ARPP19: variants seen among roughly 807,000 people sequenced by gnomAD.
The protein encoded by ARPP19 is cAMP regulated phosphoprotein 19.
A neutral mutation model predicts 12.0 loss-of-function variants in ARPP19; 8 were observed. The observed-to-expected ratio is 0.67, with a 90% CI of 0.39 to 1.21. ARPP19 has a LOEUF of 1.21. Among genes scored for constraint, ARPP19 ranks in the 50% most tolerant of loss-of-function variants. ARPP19 has a pLI of 0.01. For synonymous variants in ARPP19, 47 were observed against 50.4 expected (o/e 0.93, Z 0.29); for missense variants, 102 against 136.3 (o/e 0.75, Z 1.25).
At chr15:52,557,024 G>C in intron 2 of ARPP19, 76 bp downstream of exon 2, 1 of 1,477,240 alleles carries the variant, frequency 6.8e-7, no homozygotes, top group Non-Finnish European at 9.4e-7. Context: ...TATACGCACA[G>C]ATATCCGTTT....
chr15:52,568,808 G>A lies in ARPP19; in HGVS notation c.45+40C>T, dbSNP rs757299374. The stretch of plus-strand genomic sequence containing the variant: ...GGGAGCAGGCCGCCCGCCAGACCCG[G>A]CCTTGGGCAGGGCCCAGGGCTCACG... On this transcript the variant is annotated intron_variant, in intron 1 of 2. Coordinates refer to ENST00000249822, the MANE Select transcript of ARPP19 (RefSeq NM_006628.6). 4.0e-6 allele frequency: 6 copies of A among 1,506,682 alleles called. No homozygotes were observed. The East Asian group carries it at 1.6e-4, about 41-fold the overall frequency. The allele number at this position is 1,506,682 out of a possible 1,614,324, so 93.3% of individuals were successfully genotyped here.
chr15:52,565,735 T>G (rs749579213), intron 1 of ARPP19, among the ~76,000 whole-genome samples: 33 of 152,382 alleles, frequency 2.2e-4, no homozygotes, highest in Admixed American at 1.8e-3. Flanking sequence ...AAAAACTCCC[T>G]CAACTTTTAA....
rs1476200854 is a variant in ARPP19, at chr15:52,551,994, G to A, written c.279C>T (p.Pro93=). 2 of 1,612,662 alleles carry A rather than the reference G, an allele frequency of 1.2e-6. No homozygotes were observed. Among genetic ancestry groups the A allele is most frequent in the Admixed American group, 1.7e-5 (1 of 60,028 alleles). The part of the protein sequence containing the change: ...DKTEVTGDHI[P]TPQDLPQRKP... ...TCCGTTGAGGAAGGTCTTGCGGAGTGGGAATGTGGTCACCAGTGACCTCCG... is the reference window on the plus strand; with the variant it reads ...TCCGTTGAGGAAGGTCTTGCGGAGTAGGAATGTGGTCACCAGTGACCTCCG... Residue 93 remains proline (P), a synonymous_variant, in exon 3 of 3, where the codon CCC becomes CCT. Transcript: ENST00000249822.
At chr15:52,563,321 G>A (rs2078052319) in intron 1 of ARPP19, among the ~76,000 whole-genome samples, 2 of 152,080 alleles carry the variant, frequency 1.3e-5, no homozygotes, top group East Asian at 1.9e-4. Flanking sequence ...AATAGGGTCC[G>A]CAGAAGGCAG....
At position 52,568,887 on chromosome 15, in the gene ARPP19, A is replaced by G. The variant is rs368069751; in HGVS notation, c.6T>C (p.Ser2=). Residue 2 remains serine (S), a synonymous_variant, in exon 1 of 3, where the codon TCT becomes TCC. Coordinates refer to ENST00000249822, the MANE Select transcript of ARPP19 (RefSeq NM_006628.6). M[S]AEVPEAASAE... is the part of the protein sequence containing the mutation. The stretch of plus-strand genomic sequence containing the variant: ...CGGAGGCTGCCTCGGGGACTTCCGC[A>G]GACATAGTGCTCCCTCTGCAGACGA... The G allele has an allele frequency of 1.4e-4, 215 of 1,570,700 alleles. No homozygotes were observed. Among genetic ancestry groups the G allele is most frequent in the Non-Finnish European group, 1.8e-4 (208 of 1,161,998 alleles).
At chr15:52,561,547 T>G (rs1246967802) in intron 1 of ARPP19, among the ~76,000 whole-genome samples, 1 of 152,182 alleles carries the variant, frequency 6.6e-6, no homozygotes, top group Non-Finnish European at 1.5e-5. Context: ...TTTATAATCT[T>G]AATTTTTACA....
upstream of ARPP19, among the ~76,000 whole-genome samples, chr15:52,569,421 C>A (rs1180048079): frequency 6.6e-6 from 1 of 152,256 alleles, no homozygotes; most frequent in Non-Finnish European, 1.5e-5. Context: ...GCCACGCCTT[C>A]ACATCTCCAG....
chr15:52,559,727 C>T (rs2078014723), intron 1 of ARPP19, among the ~76,000 whole-genome samples: 1 of 152,186 alleles, frequency 6.6e-6, no homozygotes, highest in Non-Finnish European at 1.5e-5. Context: ...TGAGTCACTG[C>T]ACAGCTTCGA....
In ARPP19 at chr15:52,550,724, A is replaced by C. The variant is rs74016837; in HGVS notation, c.*1210T>G. 1.3e-5 allele frequency: 2 copies of C among 152,732 alleles called. No homozygotes were observed. The highest frequency in any genetic ancestry group is 4.8e-5 in the African/African-American group (2 of 41,582). The allele number at this position is 152,732 out of a possible 1,614,324, so 9.5% of individuals were successfully genotyped here. ...AGACACCTATGCTTCCATATACAAC[A>C]AACAGCTCAATACCATTTGAGTCAA... On this transcript the variant is annotated 3_prime_UTR_variant, in exon 3 of 3. Transcript: ENST00000249822.
Position 52,558,228 on chromosome 15 carries a change from G to A in ARPP19, c.46-1006C>T, listed in dbSNP as rs561351355. On this transcript the variant is annotated intron_variant, in intron 1 of 2. Transcript: ENST00000249822. ...ACACTTTGGGAGCTGTGGGCGGATT[G>A]CTTGAAGCTAGTAGTTCGAGACCAG... is the stretch of plus-strand genomic sequence containing the variant. Among the ~76,000 whole-genome samples, 31 of 152,232 alleles carry A rather than the reference G, an allele frequency of 2.0e-4. No homozygotes were observed. In the South Asian group the frequency reaches 2.5e-3, roughly 12 times the overall value.
At chr15:52,555,320 G>A (rs1230886809) in intron 2 of ARPP19, among the ~76,000 whole-genome samples, 1 of 152,010 alleles carries the variant, frequency 6.6e-6, no homozygotes, top group East Asian at 1.9e-4. Context: ...AAGCCTATTA[G>A]CCAAGGTTAT....
chr15:52,555,153 T>C (rs2077970103), intron 2 of ARPP19, among the ~76,000 whole-genome samples: 1 of 152,088 alleles, frequency 6.6e-6, no homozygotes, highest in Admixed American at 6.5e-5. Flanking sequence ...ATCTACTTAT[T>C]TCTTGATTCA....
At chr15:52,558,939 T>C (rs751802199) in intron 1 of ARPP19, among the ~76,000 whole-genome samples, 5 of 152,114 alleles carry the variant, frequency 3.3e-5, no homozygotes, top group African/African-American at 4.8e-5. Context: ...GCTGGGATTA[T>C]AGGCATGCAC....
Position 52,552,027 on chromosome 15 carries a change from C to T in ARPP19, c.246G>A (p.Pro82=), listed in dbSNP as rs528673270. The T allele has an allele frequency of 5.0e-6, 8 of 1,612,320 alleles. No individual in the cohort carries two copies. The highest frequency in any genetic ancestry group is 2.2e-5 in the East Asian group (1 of 44,876). Residue 82 remains proline (P), a synonymous_variant, in exon 3 of 3, where the codon CCG becomes CCA. Transcript: ENST00000249822. Reference sequence around the variant, plus strand: ...GGTCACCAGTGACCTCCGTCTTATCCGGAGCTGCAGTAGGAAGTTGCTTGT... The same window carrying T: ...GGTCACCAGTGACCTCCGTCTTATCTGGAGCTGCAGTAGGAAGTTGCTTGT... ...MKNKQLPTAA[P]DKTEVTGDHI...
In ARPP19 at chr15:52,568,994, C is replaced by T; in HGVS notation, c.-102G>A. 2 of 791,752 alleles carry T rather than the reference C, an allele frequency of 2.5e-6. No homozygotes were observed. The highest frequency in any genetic ancestry group is 4.0e-6 in the Non-Finnish European group (2 of 503,820). 49.0% of individuals were successfully genotyped at this position (791,752 alleles called of 1,614,324 possible). ...CCCAGCTCTCCCAGGGCCCGCCGGGCCGCCTCCGCCCGCGAAAATGGCCGC... is the reference window on the plus strand; with the variant it reads ...CCCAGCTCTCCCAGGGCCCGCCGGGTCGCCTCCGCCCGCGAAAATGGCCGC... On this transcript the variant is annotated 5_prime_UTR_variant, in exon 1 of 3. Transcript: ENST00000249822.
chr15:52,559,934 G>A (rs1047079016), intron 1 of ARPP19, among the ~76,000 whole-genome samples: 3 of 152,166 alleles, frequency 2.0e-5, no homozygotes, highest in African/African-American at 7.2e-5. Flanking sequence ...GGGTGTTACT[G>A]GAGTCCTACA....
intron 1 of ARPP19, among the ~76,000 whole-genome samples, chr15:52,564,540 T>A (rs2078064291): frequency 6.6e-6 from 1 of 152,242 alleles, no homozygotes; most frequent in African/African-American, 2.4e-5. Flanking sequence ...TATATCTCTT[T>A]ATGGTTGATA....
In ARPP19 at chr15:52,566,425, C is replaced by G. The variant is rs2078082703; in HGVS notation, c.45+2423G>C. ...CCACTCGCCATGACCTCCCAAAGTG[C>G]TGGGATTACAGCTGTGAGCCACAGC... On this transcript the variant is annotated intron_variant, in intron 1 of 2. Coordinates refer to ENST00000249822, the MANE Select transcript of ARPP19 (RefSeq NM_006628.6). Among the ~76,000 whole-genome samples the G allele has an allele frequency of 2.0e-5, 3 of 152,222 alleles. No individual in the cohort carries two copies. In the South Asian group the frequency reaches 6.2e-4, roughly 32 times the overall value.
chr15:52,560,134 A>G (rs750849041), intron 1 of ARPP19, among the ~76,000 whole-genome samples: 1 of 152,154 alleles, frequency 6.6e-6, no homozygotes, highest in African/African-American at 2.4e-5. Context: ...TTTGATATAT[A>G]AAGGAAAATA....
Sources: gnomAD v4.1 joint callset for allele counts (sites outside exome capture counted in the v4.1 genomes callset) on GRCh38, gnomAD v4.1.1 for gene constraint, MANE v1.5 for transcripts, NCBI Gene and HGNC (gene_info 2026-07-23, HGNC 2026-07-21) for gene names.